Variants in ABCA12 observed in about 807,000 individuals in gnomAD.
The protein encoded by ABCA12 is glucosylceramide transporter ABCA12.
In ABCA12, 156 loss-of-function variants were observed where a neutral mutation model predicts 293.5. That is an observed-to-expected ratio of 0.53 (90% CI 0.47 to 0.61). ABCA12 has a LOEUF of 0.61. ABCA12 is among the 20% of genes least tolerant of loss of function. The pLI is 0.00. For synonymous variants in ABCA12, 1,063 were observed against 1,108.0 expected (o/e 0.96, Z 0.81); for missense variants, 2,797 against 3,090.2 (o/e 0.91, Z 2.25).
chr2:215,000,892 G>C lies in ABCA12; in HGVS notation c.2992C>G (p.Leu998Val). 1 of 1,614,120 alleles carries C rather than the reference G, an allele frequency of 6.2e-7. No homozygotes were observed. The highest frequency in any genetic ancestry group is 8.5e-7 in the Non-Finnish European group (1 of 1,180,004). Residue 998 changes from leucine (L) to valine (V), a missense_variant, in exon 22 of 53, where the codon CTA becomes GTA. By Grantham distance (32) the Leu-to-Val change is conservative. This residue lies in a region of ABCA12 where 2,130 missense variants were observed against 2,427.0 expected (regional missense o/e 0.88). Transcript: ENST00000272895. Reference sequence around the variant, plus strand: ...CCTGGAGCCCAAATCTTGGTTCTTAGGCTTCTTGTGGTCTGTGCGGTCTTG... The same window carrying C: ...CCTGGAGCCCAAATCTTGGTTCTTACGCTTCTTGTGGTCTGTGCGGTCTTG... ...SLKTAQTTRS[L>V]RTKIWAPGPH...
intron 50 of ABCA12, among the ~76,000 whole-genome samples, chr2:214,938,748 TA>T (rs1698303167): frequency 6.6e-6 from 1 of 152,252 alleles, no homozygotes; most frequent in South Asian, 2.1e-4. Flanking sequence ...GTTGGCAGCA[TA>T]AATGTCTTCT....
intron 2 of ABCA12, among the ~76,000 whole-genome samples, chr2:215,070,264 T>C (rs1407392524): frequency 6.6e-6 from 1 of 152,210 alleles, no homozygotes; most frequent in Non-Finnish European, 1.5e-5. Context: ...ATCCACAAAG[T>C]GAATCCATTC....
chr2:215,089,530 C>A (rs562003690), intron 2 of ABCA12, among the ~76,000 whole-genome samples: 127 of 152,296 alleles, frequency 8.3e-4, no homozygotes, highest in Middle Eastern at 3.4e-3. Flanking sequence ...CTGCAGGGAG[C>A]AGAATTCTTT....
At chr2:214,944,425 A>T (rs929002501) in intron 49 of ABCA12, among the ~76,000 whole-genome samples, 42 of 125,040 alleles carry the variant, frequency 3.4e-4, no homozygotes, top group Admixed American at 2.0e-3. Flanking sequence ...AAAAAAAATT[A>T]AAAAATAAAA....
intron 3 of ABCA12, among the ~76,000 whole-genome samples, chr2:215,059,479 G>T (rs1323796991): frequency 6.6e-6 from 1 of 151,844 alleles, no homozygotes; most frequent in Non-Finnish European, 1.5e-5. Flanking sequence ...TCTTATAAGT[G>T]GCCCAGTTAC....
In ABCA12 at chr2:214,932,694, ATCAGCAGTT is replaced by A; in HGVS notation, c.7719_7727del (p.Glu2573_Ala2575del). 6.2e-7 allele frequency: 1 copy of A among 1,613,694 alleles called. No homozygotes were observed. The highest frequency in any genetic ancestry group is 1.7e-5 in the Admixed American group (1 of 59,938). On this transcript the variant is annotated inframe_deletion, in exon 53 of 53. Transcript: ENST00000272895. ...TTATAGTGGAACCTTGGCTGCTGGT[ATCAGCAGTT>A]TCATAGGACTTCTGGTCTTTGGCAA...
intron 14 of ABCA12, chr2:215,017,780 G>T: frequency 1.9e-6 from 1 of 539,130 alleles, no homozygotes; most frequent in Non-Finnish European, 3.2e-6. Flanking sequence ...AATGGGGCAT[G>T]GGAAAGGACA....
intron 1 of ABCA12, among the ~76,000 whole-genome samples, chr2:215,122,970 T>C (rs543391461): frequency 6.6e-6 from 1 of 152,278 alleles, no homozygotes; most frequent in East Asian, 1.9e-4. Context: ...AGAGTATTTT[T>C]TCTGTCTTTG....
At chr2:215,104,653 T>C (rs1002839969) in intron 2 of ABCA12, among the ~76,000 whole-genome samples, 1 of 152,246 alleles carries the variant, frequency 6.6e-6, no homozygotes, top group Non-Finnish European at 1.5e-5. Context: ...AGTCACTTAC[T>C]ACAATTTGCT....
At chr2:214,945,599 A>G (rs1350367931) in intron 48 of ABCA12, among the ~76,000 whole-genome samples, 6 of 152,306 alleles carry the variant, frequency 3.9e-5, no homozygotes, top group Admixed American at 6.5e-5. Flanking sequence ...TTGGGAAATA[A>G]AAACAAGATT....
At position 215,000,935 on chromosome 2, in the gene ABCA12, A is replaced by G. The variant is rs545278591; in HGVS notation, c.2949T>C (p.Tyr983=). The G allele has an allele frequency of 1.0e-4, 161 of 1,614,062 alleles. 3 individuals are homozygous for G. The South Asian group carries it at 1.7e-3, about 17-fold the overall frequency. ...GNVFLPPVIK[Y]TIRMSLKTAQ... ...CGGTCTTGAGACTCATCCGGATGGTATATTTTATGACAGGAGGAAGAAAGA... is the reference window on the plus strand; with the variant it reads ...CGGTCTTGAGACTCATCCGGATGGTGTATTTTATGACAGGAGGAAGAAAGA... The change falls in exon 22 of 53, where the codon TAT becomes TAC. Residue 983 remains tyrosine, a synonymous_variant. Transcript: ENST00000272895.
chr2:215,096,906 T>C (rs1702259631), intron 2 of ABCA12, among the ~76,000 whole-genome samples: 1 of 152,152 alleles, frequency 6.6e-6, no homozygotes, highest in Non-Finnish European at 1.5e-5. Flanking sequence ...TCAAACTCAT[T>C]TCCCAGTAGA....
At position 214,954,165 on chromosome 2, in the gene ABCA12, A is replaced by T. The variant is rs1362827478; in HGVS notation, c.6394-58T>A. 51 of 1,578,034 alleles carry T rather than the reference A, an allele frequency of 3.2e-5. 1 individual carries two copies. The South Asian group carries it at 5.7e-4, about 18-fold the overall frequency. Reference sequence around the variant, plus strand: ...GTTAAGTTTCCAAAAAGCTGACAAAAATTTAAAACTAGATGGATGTAGACA... The same window carrying T: ...GTTAAGTTTCCAAAAAGCTGACAAATATTTAAAACTAGATGGATGTAGACA... On this transcript the variant is annotated intron_variant, in intron 43 of 52. Transcript: ENST00000272895.
At chr2:214,932,803 AATTC>A (rs10532785) in intron 52 of ABCA12, 62 bp from the exon 53 acceptor site, 401,846 of 1,113,708 alleles carry the variant, frequency 0.36, 77,631 homozygotes, top group South Asian at 0.44. Context: ...AAATAAAGTT[AATTC>A]ATTCTCTCTC....
chr2:215,087,056 C>T (rs1046287226), intron 2 of ABCA12, among the ~76,000 whole-genome samples: 2 of 152,088 alleles, frequency 1.3e-5, no homozygotes, highest in Non-Finnish European at 2.9e-5. Context: ...TATTCTCCTG[C>T]CTCAGCTTCC....
At chr2:214,945,609 T>G (rs548041900) in intron 48 of ABCA12, among the ~76,000 whole-genome samples, 1 of 152,288 alleles carries the variant, frequency 6.6e-6, no homozygotes, top group East Asian at 1.9e-4. Flanking sequence ...AAAACAAGAT[T>G]TGTAGAAATT....
rs1699904096 is a variant in ABCA12 at position 214,991,133 on chromosome 2, A to G, written c.3295-102T>C. 4 of 1,044,456 alleles carry G rather than the reference A, an allele frequency of 3.8e-6. No individual in the cohort carries two copies. In the African/African-American group the frequency reaches 4.7e-5, roughly 12 times the overall value. The allele number at this position is 1,044,456 out of a possible 1,614,324, so 64.7% of individuals were successfully genotyped here. On this transcript the variant is annotated intron_variant, in intron 23 of 52. Transcript: ENST00000272895. ...AAATGTCATGATAGTCTCTCTGTAT[A>G]TGGAACTAGGCATTTTAATAATTTA...
At chr2:214,998,410 G>A (rs537574463) in intron 22 of ABCA12, among the ~76,000 whole-genome samples, 31 of 152,186 alleles carry the variant, frequency 2.0e-4, no homozygotes, top group African/African-American at 3.9e-4. Flanking sequence ...CACCTGCCTC[G>A]GCCTCCCAAA....
chr2:215,096,511 T>C (rs1274895502), intron 2 of ABCA12, among the ~76,000 whole-genome samples: 4 of 152,196 alleles, frequency 2.6e-5, no homozygotes, highest in East Asian at 1.9e-4. Flanking sequence ...CTATTCTGTT[T>C]TCTCAGACTC....
Sources: gnomAD v4.1 joint callset for allele counts (sites outside exome capture counted in the v4.1 genomes callset) on GRCh38, gnomAD v4.1.1 for gene constraint, gnomAD v4.1.1 regional missense constraint, MANE v1.5 for transcripts, NCBI Gene and HGNC (gene_info 2026-07-23, HGNC 2026-07-21) for gene names.